CRADD: variants seen among roughly 807,000 people sequenced by gnomAD.
CRADD encodes the protein death domain-containing protein CRADD.
CRADD carries 9 observed loss-of-function variants against 15.5 expected under a neutral mutation model. The observed-to-expected ratio is 0.58, with a 90% CI of 0.35 to 1.01. The LOEUF is 1.01. Ranked by LOEUF, CRADD falls within the 50% of genes least tolerant of loss-of-function variation. The pLI is 0.02. For missense variants in CRADD, 227 were observed against 250.3 expected (o/e 0.91, Z 0.63); for synonymous variants, 118 against 107.6 (o/e 1.10, Z -0.60).
At chr12:93,872,222 G>A (rs1183596464) in intron 2 of CRADD, among the ~76,000 whole-genome samples, 1 of 152,158 alleles carries the variant, frequency 6.6e-6, no homozygotes, top group East Asian at 1.9e-4. Context: ...GTTGAGAAAT[G>A]TCTATTCAAG....
intron 2 of CRADD, among the ~76,000 whole-genome samples, chr12:93,758,257 A>T (rs1045976979): frequency 6.6e-6 from 1 of 152,230 alleles, no homozygotes; most frequent in Non-Finnish European, 1.5e-5. Context: ...TATTCCAAAG[A>T]TCTGCCAGAA....
At chr12:93,859,338 A>T (rs1019449581) in intron 2 of CRADD, 1 of 455,886 alleles carries the variant, frequency 2.2e-6, no homozygotes, top group Non-Finnish European at 4.4e-6. Context: ...CATGATCCTT[A>T]TGATGGGGAG....
At chr12:93,790,402 G>A (rs551809863) in intron 2 of CRADD, among the ~76,000 whole-genome samples, 1 of 151,852 alleles carries the variant, frequency 6.6e-6, no homozygotes, top group South Asian at 2.1e-4. Flanking sequence ...CATGGCACAT[G>A]TATACATATG....
chr12:93,870,354 G>C (rs772004455), intron 2 of CRADD, among the ~76,000 whole-genome samples: 4 of 152,140 alleles, frequency 2.6e-5, no homozygotes, highest in Admixed American at 6.5e-5. Context: ...CCTCTCCTCA[G>C]GTCTGTGTTA....
At chr12:93,772,216 T>C (rs1257181130) in intron 2 of CRADD, among the ~76,000 whole-genome samples, 1 of 152,226 alleles carries the variant, frequency 6.6e-6, no homozygotes, top group Non-Finnish European at 1.5e-5. Context: ...GGCATTAGGT[T>C]TCTGTCTCCC....
intron 2 of CRADD, among the ~76,000 whole-genome samples, chr12:93,840,997 A>G (rs944823838): frequency 1.3e-5 from 2 of 152,210 alleles, no homozygotes; most frequent in African/African-American, 4.8e-5. Flanking sequence ...AAATTAAGAA[A>G]GTTTCCCATA....
chr12:93,829,032 A>C (rs1292137196), intron 2 of CRADD, among the ~76,000 whole-genome samples: 1 of 152,186 alleles, frequency 6.6e-6, no homozygotes, highest in East Asian at 1.9e-4. Context: ...GTTTATTGAA[A>C]ACCCATCTGT....
At chr12:93,693,618 G>T (rs1159027803) in intron 2 of CRADD, among the ~76,000 whole-genome samples, 1 of 151,824 alleles carries the variant, frequency 6.6e-6, no homozygotes, top group Non-Finnish European at 1.5e-5. Flanking sequence ...AGATCTGAAG[G>T]GGGAGACAGA....
At chr12:93,883,612 G>A (rs1958517332) in intron 2 of CRADD, among the ~76,000 whole-genome samples, 1 of 152,024 alleles carries the variant, frequency 6.6e-6, no homozygotes, top group Admixed American at 6.6e-5. Context: ...GAGGCCAGGG[G>A]TTTGACATTA....
chr12:93,706,992 G>C (rs554943478), intron 2 of CRADD, among the ~76,000 whole-genome samples: 26 of 152,306 alleles, frequency 1.7e-4, no homozygotes, highest in African/African-American at 6.3e-4. Context: ...CCAAATGGAT[G>C]CCGTGGCTTT....
chr12:93,748,495 C>T (rs184111719), intron 2 of CRADD, among the ~76,000 whole-genome samples: 49 of 152,166 alleles, frequency 3.2e-4, no homozygotes, highest in Non-Finnish European at 3.1e-4. Context: ...TTAGTAGAGA[C>T]GGGGTTTCTC....
chr12:93,824,020 G>A lies in CRADD; in HGVS notation c.299-25950G>A, dbSNP rs374588989. Among the ~76,000 whole-genome samples, 19 of 152,292 alleles carry A rather than the reference G, an allele frequency of 1.2e-4. 2 individuals carry two copies. The highest frequency in any genetic ancestry group is 7.2e-4 in the Admixed American group (11 of 15,290). ...CTGACAAAATAATGAAATACATGGC[G>A]TTTCCCCAGTGAATGGAAAGCTGCT... On this transcript the variant is annotated intron_variant, in intron 2 of 2. Transcript: ENST00000332896. This position sits in a 1 kb window ranked among gnomAD's most constrained non-coding sequence, Gnocchi z 4.3.
chr12:93,825,633 T>C (rs1957815275), intron 2 of CRADD, among the ~76,000 whole-genome samples: 1 of 152,206 alleles, frequency 6.6e-6, no homozygotes, highest in East Asian at 1.9e-4. Context: ...ATTTCTCTTC[T>C]CTGTTATCCA....
intron 2 of CRADD, among the ~76,000 whole-genome samples, chr12:93,720,511 GC>G (rs1565886896): frequency 6.6e-6 from 1 of 152,146 alleles, no homozygotes; most frequent in East Asian, 1.9e-4. Context: ...TCTGAGGGAT[GC>G]TAAGCCTCCA....
intron 2 of CRADD, among the ~76,000 whole-genome samples, chr12:93,892,602 G>A (rs2137081100): frequency 6.6e-6 from 1 of 152,250 alleles, no homozygotes; most frequent in South Asian, 2.1e-4. Flanking sequence ...GAATGATCTA[G>A]TAGGAGTGGG....
chr12:93,721,918 T>C, intron 2 of CRADD, among the ~76,000 whole-genome samples: 1 of 152,246 alleles, frequency 6.6e-6, no homozygotes, highest in East Asian at 1.9e-4. Context: ...TACCTCCACT[T>C]ACTCCTTCTT....
chr12:93,783,898 TGCTGGTGGGCATGTGCAGATGTGTC>T (rs1160642419), intron 2 of CRADD, among the ~76,000 whole-genome samples: 2 of 152,180 alleles, frequency 1.3e-5, no homozygotes, highest in Non-Finnish European at 2.9e-5. Context: ...AACCTGGGTG[TGCTGGTGGGCATGTGCAGATGTGTC>T]GCTGTCATCT....
chr12:93,704,738 G>A (rs1303877574), intron 2 of CRADD, among the ~76,000 whole-genome samples: 1 of 152,166 alleles, frequency 6.6e-6, no homozygotes. Context: ...AAGGGACACC[G>A]TGACCTGGGG....
chr12:93,801,138 G>A (rs935062619), intron 2 of CRADD, among the ~76,000 whole-genome samples: 6 of 152,166 alleles, frequency 3.9e-5, no homozygotes, highest in Non-Finnish European at 5.9e-5. Context: ...AGTCCCATGT[G>A]TAATGATCAT....
Sources: allele counts gnomAD v4.1 joint callset (sites outside exome capture counted in the v4.1 genomes callset), GRCh38; gene constraint gnomAD v4.1.1; non-coding constraint Gnocchi (gnomAD v3.1); transcripts MANE v1.5; gene names NCBI Gene and HGNC (gene_info 2026-07-23, HGNC 2026-07-21).